Variants in INTS13 observed in about 807,000 individuals in gnomAD.
INTS13 encodes integrator complex subunit 13.
Under a neutral mutation model 90.2 loss-of-function variants are expected in INTS13, and 35 were observed. That is an observed-to-expected ratio of 0.39 (90% confidence interval 0.30 to 0.51). The LOEUF (loss-of-function observed/expected upper bound fraction) is 0.51, where lower values mean the gene tolerates loss of function less well. Ranked by LOEUF, INTS13 falls within the 20% of genes least tolerant of loss-of-function variation. The pLI is 0.80. For synonymous variants in INTS13, 309 were observed against 277.1 expected (o/e 1.11, Z -1.14); for missense variants, 601 against 851.2 (o/e 0.71, Z 3.66).
Position 26,914,450 on chromosome 12 carries a change from C to T in INTS13, c.1377G>A (p.Trp459Ter). The part of the protein sequence containing the change: ...KDQLEKHTRY[W>*]PMIISQTTIF... The stretch of plus-strand genomic sequence containing the variant: ...TGGTGGTTTGTGAAATGATCATAGG[C>T]CAGTAACGGGTATGTTTTTCTAACT... The change falls in exon 12 of 17, where the codon TGG (tryptophan) becomes TGA (stop). Residue 459 changes from tryptophan to a stop codon, truncating the protein, a stop_gained. Coordinates refer to ENST00000261191, the MANE Select transcript of INTS13 (RefSeq NM_018164.3). LOFTEE classifies it high-confidence loss of function. 1 of 1,613,848 alleles carries T rather than the reference C, an allele frequency of 6.2e-7. No individual in the cohort carries two copies. The highest frequency in any genetic ancestry group is 8.5e-7 in the Non-Finnish European group (1 of 1,179,906).
rs1035471608 is a variant in INTS13, at chr12:26,917,947, C to A, written c.890-214G>T. 9.9e-5 allele frequency among the ~76,000 whole-genome samples: 15 copies of A among 152,000 alleles called. 1 individual carries two copies. In the South Asian group the frequency reaches 1.7e-3, roughly 17 times the overall value. On this transcript the variant is annotated intron_variant, in intron 8 of 16. Transcript: ENST00000261191. The stretch of plus-strand genomic sequence containing the variant: ...GACCAGCCTGACCAAGATGGCGAAA[C>A]CCTGTCCCTACTAAAACTACAGAAA...
intron 14 of INTS13, among the ~76,000 whole-genome samples, chr12:26,912,774 C>T (rs1295786303): frequency 1.3e-5 from 2 of 150,940 alleles, no homozygotes; most frequent in South Asian, 2.1e-4. Flanking sequence ...ATTGCCCAGG[C>T]TGGAGTGCAG....
chr12:26,914,062 T>G lies in INTS13; in HGVS notation c.1486A>C (p.Lys496Gln). ...ATATCAACTAAGTTGTATATTGTTT[T>G]TTGACAGTTTAACACATCTTCTTCT... ...LTEEDVLNCQ[K>Q]TIYNLVDMER... is the part of the protein sequence containing the mutation. The change falls in exon 13 of 17, where the codon AAA becomes CAA. Residue 496 changes from lysine (K) to glutamine (Q), a missense_variant. By Grantham distance (53) the Lys-to-Gln change is moderately conservative (BLOSUM62 1). This residue lies in a region of INTS13 where 228 missense variants were observed against 272.5 expected (regional missense o/e 0.84). Transcript: ENST00000261191. 1 of 1,611,636 alleles carries G rather than the reference T, an allele frequency of 6.2e-7. No individual in the cohort carries two copies. Among genetic ancestry groups the G allele is most frequent in the Non-Finnish European group, 8.5e-7 (1 of 1,179,102 alleles).
At chr12:26,906,515 T>A in intron 15 of INTS13, 78 bp from the exon 16 acceptor site, 7 of 1,400,046 alleles carry the variant, frequency 5.0e-6, no homozygotes, top group Non-Finnish European at 6.9e-6. Flanking sequence ...TTTCCAAACT[T>A]ACCTTTAATT....
rs1427205750 is a variant in INTS13, at chr12:26,917,675, T to C, written c.948A>G (p.Leu316=). The C allele has an allele frequency of 1.2e-6, 2 of 1,614,066 alleles. No homozygotes were observed. Among genetic ancestry groups the C allele is most frequent in the East Asian group, 2.2e-5 (1 of 44,876 alleles). Residue 316 remains leucine, a synonymous_variant, in exon 9 of 17, where the codon TTA becomes TTG. Coordinates refer to ENST00000261191, the MANE Select transcript of INTS13 (RefSeq NM_018164.3). The stretch of plus-strand genomic sequence containing the variant: ...TATTTGTCCTTGGTGTACACCACTT[T>C]AATGTTATTGTTTCTTTAAACGAGC... ...REGSFKETIT[L]KWCTPRTNNI... is the part of the protein sequence containing the mutation.
At position 26,913,540 on chromosome 12, in the gene INTS13, T is replaced by C. The variant is rs1429516827; in HGVS notation, c.1722A>G (p.Gly574=). ...PPEEEERKKR[G]RKREDKEDKS... Reference sequence around the variant, plus strand: ...TGTCCTCTTTGTCTTCCCTCTTTCTTCCTCGTTTCTTTCGTTCTTCCTCTT... The same window carrying C: ...TGTCCTCTTTGTCTTCCCTCTTTCTCCCTCGTTTCTTTCGTTCTTCCTCTT... The change falls in exon 14 of 17, where the codon GGA becomes GGG. Residue 574 remains glycine (G), a synonymous_variant. Coordinates refer to ENST00000261191, the MANE Select transcript of INTS13 (RefSeq NM_018164.3). 1.9e-6 allele frequency: 3 copies of C among 1,614,138 alleles called. No individual in the cohort carries two copies. In the Admixed American group the frequency reaches 5.0e-5, roughly 27 times the overall value.
chr12:26,905,615 A>T, intron 16 of INTS13, 79 bp from the exon 17 acceptor site: 1 of 1,330,184 alleles, frequency 7.5e-7, no homozygotes, highest in East Asian at 2.3e-5. Context: ...TTTCACATGA[A>T]AATTAAAATA....
Position 26,913,447 on chromosome 12 carries a change from AG to A in INTS13, c.1805+9del. 4 of 1,610,930 alleles carry A rather than the reference AG, an allele frequency of 2.5e-6. No individual in the cohort carries two copies. The highest frequency in any genetic ancestry group is 1.1e-5 in the South Asian group (1 of 91,010). On this transcript the variant is annotated intron_variant, in intron 14 of 16. Transcript: ENST00000261191. Reference sequence around the variant, plus strand: ...GGCACCATGGTGCTATATCAATGCCAGGAAGTCACCTCTCTGAGTCTTGCCA... The same window carrying A: ...GGCACCATGGTGCTATATCAATGCCAGAAGTCACCTCTCTGAGTCTTGCCA...
intron 2 of INTS13, 55 bp from the exon 3 acceptor site, chr12:26,934,685 A>G (rs1411444014): frequency 8.0e-7 from 1 of 1,255,798 alleles, no homozygotes; most frequent in Non-Finnish European, 1.2e-6. Flanking sequence ...CTCAATCACC[A>G]ACATATTTTC....
At chr12:26,915,119 G>A (rs1211126083) in intron 11 of INTS13, among the ~76,000 whole-genome samples, 3 of 152,118 alleles carry the variant, frequency 2.0e-5, no homozygotes, top group Non-Finnish European at 2.9e-5. Context: ...TTAGCTACTC[G>A]GGAAGCTGAG....
intron 13 of INTS13, 95 bp from the exon 14 acceptor site, chr12:26,913,782 C>A: frequency 8.2e-7 from 1 of 1,216,572 alleles, no homozygotes; most frequent in South Asian, 1.4e-5. Context: ...GGACTTCCTT[C>A]CTCTTACTTG....
intron 7 of INTS13, among the ~76,000 whole-genome samples, chr12:26,923,180 T>C (rs1053295444): frequency 1.4e-4 from 21 of 152,026 alleles, no homozygotes; most frequent in African/African-American, 4.1e-4. Context: ...TAATAGGAAA[T>C]AGGAATTTCA....
intron 15 of INTS13, 100 bp from the exon 16 acceptor site, chr12:26,906,537 T>G (rs1446908193): frequency 2.5e-5 from 31 of 1,221,332 alleles, no homozygotes; most frequent in Non-Finnish European, 3.6e-5. Context: ...TGTTGTTCAT[T>G]TTACACAATT....
rs114494042 is a variant in INTS13, at chr12:26,905,463, G to C, written c.*34C>G. 1.1e-3 allele frequency: 1,760 copies of C among 1,597,622 alleles called. 16 individuals carry two copies. In the African/African-American group the frequency reaches 0.021, roughly 19 times the overall value. On this transcript the variant is annotated 3_prime_UTR_variant, in exon 17 of 17. Coordinates refer to ENST00000261191, the MANE Select transcript of INTS13 (RefSeq NM_018164.3). ...ATCGAATTCCGCACAAAATATTTTT[G>C]CAATATGCTAAATTTAGTTCTTCAA... is the stretch of plus-strand genomic sequence containing the variant.
chr12:26,927,224 C>T lies in INTS13; in HGVS notation c.584+981G>A, dbSNP rs553150552. 7.9e-5 allele frequency among the ~76,000 whole-genome samples: 12 copies of T among 152,360 alleles called. No homozygotes were observed. In the East Asian group the frequency reaches 1.7e-3, roughly 22 times the overall value. Reference sequence around the variant, plus strand: ...GAACATGAGGAGGGGGTTGTGGAAACACCTAACTTGTAGCCAAGTCAGACG... The same window carrying T: ...GAACATGAGGAGGGGGTTGTGGAAATACCTAACTTGTAGCCAAGTCAGACG... On this transcript the variant is annotated intron_variant, in intron 5 of 16. Transcript: ENST00000261191.
At chr12:26,908,902 G>A (rs1477694427) in intron 15 of INTS13, among the ~76,000 whole-genome samples, 1 of 152,082 alleles carries the variant, frequency 6.6e-6, no homozygotes, top group African/African-American at 2.4e-5. Flanking sequence ...AAACATCAGG[G>A]ATCCATTTAA....
chr12:26,911,223 G>A lies in INTS13; in HGVS notation c.1900C>T (p.Pro634Ser). The A allele has an allele frequency of 6.2e-7, 1 of 1,613,914 alleles. No homozygotes were observed. Residue 634 changes from proline to serine, a missense_variant, in exon 15 of 17, where the codon CCC (proline) becomes TCC (serine). Physicochemically the swap from Pro to Ser is moderately conservative, Grantham distance 74 (BLOSUM62 -1). Coordinates refer to ENST00000261191, the MANE Select transcript of INTS13 (RefSeq NM_018164.3). ...GGAGTTTCATCCATTTCAACAAGGG[G>A]TTTTTTGTTTGGAGGTTCTGGGGAA... ...PDSPEPPNKK[P>S]LVEMDETPQV...
chr12:26,922,928 T>C (rs1449957841), intron 7 of INTS13, among the ~76,000 whole-genome samples: 1 of 152,192 alleles, frequency 6.6e-6, no homozygotes, highest in Non-Finnish European at 1.5e-5. Flanking sequence ...ATGATTTTTT[T>C]ACATTATGTC....
At chr12:26,921,866 C>T (rs117735695) in intron 8 of INTS13, among the ~76,000 whole-genome samples, 21 of 152,284 alleles carry the variant, frequency 1.4e-4, no homozygotes, top group South Asian at 4.1e-4. Context: ...ATGTTGGCCA[C>T]GCTTGTCTCG....
Sources: gnomAD v4.1 joint callset for allele counts (sites outside exome capture counted in the v4.1 genomes callset) on GRCh38, gnomAD v4.1.1 for gene constraint, gnomAD v4.1.1 regional missense constraint, MANE v1.5 for transcripts, NCBI Gene and HGNC (gene_info 2026-07-23, HGNC 2026-07-21) for gene names.